RAD18: variants seen among roughly 807,000 people sequenced by gnomAD.
RAD18 encodes the protein RAD18 E3 ubiquitin protein ligase.
A neutral mutation model predicts 60.4 loss-of-function variants in RAD18; 47 were observed. The ratio of observed to expected loss-of-function variants is 0.78; its 90% CI spans 0.62 to 0.99. RAD18 has a LOEUF of 0.99. Ranked by LOEUF, RAD18 falls within the 50% of genes least tolerant of loss-of-function variation. RAD18 has a pLI of 0.00. For missense variants in RAD18, 640 were observed against 593.3 expected (o/e 1.08, Z -0.82); for synonymous variants, 225 against 195.5 (o/e 1.15, Z -1.26).
chr3:8,956,684 A>C (rs1000700740), intron 2 of RAD18, among the ~76,000 whole-genome samples: 1 of 151,128 alleles, frequency 6.6e-6, no homozygotes, highest in Non-Finnish European at 1.5e-5. Flanking sequence ...ATAAAGGAAG[A>C]AAATCATATG....
At chr3:8,939,721 C>T (rs1228948890) in intron 5 of RAD18, 68 bp from the exon 6 acceptor site, 10 of 1,298,590 alleles carry the variant, frequency 7.7e-6, no homozygotes, top group South Asian at 1.3e-5. Flanking sequence ...TGTAAACTGG[C>T]ATCTTTTCAG....
intron 2 of RAD18, among the ~76,000 whole-genome samples, chr3:8,956,229 A>T (rs1226912574): frequency 6.6e-6 from 1 of 152,200 alleles, no homozygotes; most frequent in East Asian, 1.9e-4. Context: ...AATTGCCAGC[A>T]TCATTACTCT....
At chr3:8,888,166 G>A (rs1047223281) in intron 12 of RAD18, among the ~76,000 whole-genome samples, 11 of 152,130 alleles carry the variant, frequency 7.2e-5, no homozygotes, top group Non-Finnish European at 1.5e-4. Flanking sequence ...TCCTGACCAC[G>A]CTAGCGTCTT....
Position 8,963,366 on chromosome 3 carries a change from G to C in RAD18, c.20C>G (p.Ser7Cys). The C allele has an allele frequency of 6.2e-7, 1 of 1,611,540 alleles. No individual in the cohort carries two copies. ...GACTGCCAGGCCCGGAGGCCACCGA[G>C]ACTCGGCCAGGGAGTCCATGGTCGC... MDSLAE[S>C]RWPPGLAVMK... The change falls in exon 1 of 13, where the codon TCT (serine) becomes TGT (cysteine). Residue 7 changes from serine (S) to cysteine (C), a missense_variant. Transcript: ENST00000264926.
rs1383249563 is a variant in RAD18, at chr3:8,927,499, T to C, written c.889+8372A>G. 3.9e-5 allele frequency among the ~76,000 whole-genome samples: 6 copies of C among 152,236 alleles called. No individual in the cohort carries two copies. In the East Asian group the frequency reaches 1.2e-3, roughly 29 times the overall value. On this transcript the variant is annotated intron_variant, in intron 7 of 12. Coordinates refer to ENST00000264926, the MANE Select transcript of RAD18 (RefSeq NM_020165.4). ...AGTTCAACCATTGTAGAAGTCAGTG[T>C]GGCAATTCCTCAGGGATCTACAGCT...
At chr3:8,887,018 G>T (rs1300270578) in intron 12 of RAD18, among the ~76,000 whole-genome samples, 1 of 152,222 alleles carries the variant, frequency 6.6e-6, no homozygotes, top group South Asian at 2.1e-4. Context: ...ACAGACCAAG[G>T]CAGAGAGACA....
At chr3:8,903,204 T>C (rs1939944769) in intron 9 of RAD18, among the ~76,000 whole-genome samples, 1 of 152,182 alleles carries the variant, frequency 6.6e-6, no homozygotes, top group South Asian at 2.1e-4. Flanking sequence ...GGAAACATGA[T>C]ATTCCTAGTT....
intron 10 of RAD18, among the ~76,000 whole-genome samples, chr3:8,900,113 C>T (rs536912976): frequency 6.6e-6 from 1 of 152,270 alleles, no homozygotes; most frequent in African/African-American, 2.4e-5. Context: ...ACTGAGAGAA[C>T]AGCATACTTC....
At chr3:8,895,279 G>A (rs780311489) in intron 11 of RAD18, among the ~76,000 whole-genome samples, 5 of 152,124 alleles carry the variant, frequency 3.3e-5, no homozygotes, top group Non-Finnish European at 5.9e-5. Context: ...TACATTCATC[G>A]AATGTCACAT....
chr3:8,926,958 A>T (rs1940451111), intron 7 of RAD18, among the ~76,000 whole-genome samples: 1 of 152,122 alleles, frequency 6.6e-6, no homozygotes, highest in Non-Finnish European at 1.5e-5. Context: ...TAAAAACCCT[A>T]GAAGAAAACC....
intron 7 of RAD18, 95 bp from the exon 8 acceptor site, chr3:8,913,815 G>T: frequency 2.7e-6 from 2 of 736,340 alleles, no homozygotes; most frequent in East Asian, 3.0e-5. Context: ...GAAGAAGATG[G>T]GTGATGGGTA....
At chr3:8,953,133 T>C (rs999580945) in intron 2 of RAD18, among the ~76,000 whole-genome samples, 3 of 150,732 alleles carry the variant, frequency 2.0e-5, no homozygotes, top group Non-Finnish European at 3.0e-5. Flanking sequence ...AAATATATAC[T>C]GTACATTTAT....
At chr3:8,929,335 C>G (rs1295995639) in intron 7 of RAD18, among the ~76,000 whole-genome samples, 3 of 151,772 alleles carry the variant, frequency 2.0e-5, no homozygotes, top group Non-Finnish European at 4.4e-5. Context: ...AAATTAATAA[C>G]TTATAGGTAG....
At chr3:8,955,109 G>A (rs1200749980) in intron 2 of RAD18, among the ~76,000 whole-genome samples, 1 of 152,176 alleles carries the variant, frequency 6.6e-6, no homozygotes, top group African/African-American at 2.4e-5. Context: ...CATTGCGGGG[G>A]CTACTTGAGA....
chr3:8,902,869 C>T (rs527255028), intron 9 of RAD18, among the ~76,000 whole-genome samples: 81 of 151,482 alleles, frequency 5.3e-4, no homozygotes, highest in African/African-American at 1.9e-3. Context: ...ACTAAAAGTA[C>T]AAAAAAATTA....
chr3:8,888,564 T>C (rs1184385012), intron 12 of RAD18, among the ~76,000 whole-genome samples: 1 of 152,254 alleles, frequency 6.6e-6, no homozygotes, highest in Non-Finnish European at 1.5e-5. Flanking sequence ...AGTAAAGCTC[T>C]GGAGGCTTTT....
At chr3:8,959,397 T>TG (rs1386970048) in intron 1 of RAD18, among the ~76,000 whole-genome samples, 7 of 152,210 alleles carry the variant, frequency 4.6e-5, no homozygotes, top group African/African-American at 1.7e-4. Flanking sequence ...AGGTGGCCAT[T>TG]GCCACCACAC....
chr3:8,952,524 T>C (rs765028668), intron 2 of RAD18, among the ~76,000 whole-genome samples: 21 of 152,218 alleles, frequency 1.4e-4, no homozygotes, highest in Admixed American at 1.4e-3. Context: ...ACATTCTTAA[T>C]ATGTAATATT....
intron 11 of RAD18, among the ~76,000 whole-genome samples, chr3:8,890,944 A>T (rs935888749): frequency 6.6e-6 from 1 of 152,044 alleles, no homozygotes; most frequent in East Asian, 1.9e-4. Context: ...TTTTAAAACT[A>T]TCATCTTCCT....
Sources: allele counts gnomAD v4.1 joint callset (sites outside exome capture counted in the v4.1 genomes callset), GRCh38; gene constraint gnomAD v4.1.1; transcripts MANE v1.5; gene names NCBI Gene and HGNC (gene_info 2026-07-23, HGNC 2026-07-21).